Variants in SGK1 observed in about 807,000 individuals in gnomAD.
The protein encoded by SGK1 is serine/threonine-protein kinase Sgk1.
Under a neutral mutation model 64.2 loss-of-function variants are expected in SGK1, and 26 were observed. The observed-to-expected ratio is 0.40, with a 90% confidence interval of 0.30 to 0.56. The LOEUF (loss-of-function observed/expected upper bound fraction) is 0.56. Among genes scored for constraint, SGK1 ranks in the 20% least tolerant of loss-of-function variants. SGK1 has a pLI of 0.38. For synonymous variants in SGK1, 265 were observed against 239.7 expected, an observed-to-expected ratio of 1.11 and a Z score of -0.98; for missense variants, 519 against 645.6, an observed-to-expected ratio of 0.80 and a Z score of 2.12.
chr6:134,255,597 T>TC (rs1466116513), intron 2 of SGK1, among the ~76,000 whole-genome samples: 15 of 147,552 alleles, frequency 1.0e-4, no homozygotes, highest in Admixed American at 1.0e-3. Flanking sequence ...TTTTTTTTTT[T>TC]TGAGATGGAG....
rs1777565974 is a variant in SGK1 at position 134,308,411 on chromosome 6, A to C, written c.69+8981T>G. On this transcript the variant is annotated intron_variant, in intron 1 of 13. Transcript: ENST00000367858. ...GGGACTTTTCTTTTTTCACCTTGCT[A>C]TTTCTAGAGACTAAAATCTTTGAGC... Among the ~76,000 whole-genome samples, 3 of 152,166 alleles carry C rather than the reference A, an allele frequency of 2.0e-5. No individual in the cohort carries two copies. The South Asian group carries it at 6.2e-4, about 32-fold the overall frequency.
At chr6:134,171,611 TC>T in intron 11 of SGK1, 25 bp downstream of exon 11, 1 of 1,520,580 alleles carries the variant, frequency 6.6e-7, no homozygotes, top group Non-Finnish European at 9.1e-7. Context: ...CAGGCAGTGT[TC>T]CATGGTTCCC....
intron 2 of SGK1, among the ~76,000 whole-genome samples, chr6:134,219,194 T>C (rs990582241): frequency 6.6e-6 from 1 of 151,878 alleles, no homozygotes; most frequent in African/African-American, 2.4e-5. Context: ...GCATTTTTAG[T>C]AGAGATGGGG....
Position 134,175,630 on chromosome 6 carries a change from G to A in SGK1, c.362-1044C>T, listed in dbSNP as rs1775209535. ...GGGCCGCAGCAGGGACTCGAGCCGG[G>A]CTCTGGCCAGCGCGCCCTGCATCTC... On this transcript the variant is annotated intron_variant, in intron 3 of 13. Transcript: ENST00000367858. 5 of 1,538,024 alleles carry A rather than the reference G, an allele frequency of 3.3e-6. No individual in the cohort carries two copies. The East Asian group carries it at 1.3e-4, about 39-fold the overall frequency.
intron 3 of SGK1, among the ~76,000 whole-genome samples, chr6:134,175,085 C>T (rs1010479471): frequency 2.0e-5 from 3 of 152,064 alleles, no homozygotes; most frequent in African/African-American, 7.2e-5. Flanking sequence ...CGGCCTGGCG[C>T]AGGGCCGTTA....
At chr6:134,232,444 A>AG (rs1776299835) in intron 2 of SGK1, among the ~76,000 whole-genome samples, 1 of 59,268 alleles carries the variant, frequency 1.7e-5, no homozygotes, top group Non-Finnish European at 4.2e-5. Flanking sequence ...AGAAAGAAAG[A>AG]AAGAAAGAAA....
chr6:134,190,302 T>C (rs1775489835), intron 3 of SGK1, among the ~76,000 whole-genome samples: 1 of 151,416 alleles, frequency 6.6e-6, no homozygotes. Context: ...TTTTTTTTTT[T>C]TGAGATAGAG....
chr6:134,232,257 T>C (rs939136504), intron 2 of SGK1, among the ~76,000 whole-genome samples: 6 of 148,204 alleles, frequency 4.0e-5, no homozygotes, highest in Non-Finnish European at 8.9e-5. Context: ...TGGTGGCAAG[T>C]GCCTGTAATC....
chr6:134,226,078 C>T (rs1454034660), intron 2 of SGK1, among the ~76,000 whole-genome samples: 1 of 151,748 alleles, frequency 6.6e-6, no homozygotes, highest in Non-Finnish European at 1.5e-5. Flanking sequence ...CTGCCACTTG[C>T]CACTGCACTC....
At chr6:134,294,766 G>A (rs1305059164) in intron 1 of SGK1, among the ~76,000 whole-genome samples, 1 of 152,144 alleles carries the variant, frequency 6.6e-6, no homozygotes, top group African/African-American at 2.4e-5. Flanking sequence ...TCGAACTCCT[G>A]ATCCTCCCCC....
chr6:134,200,359 A>C (rs1289143221), intron 3 of SGK1, among the ~76,000 whole-genome samples: 1 of 152,208 alleles, frequency 6.6e-6, no homozygotes, highest in Admixed American at 6.5e-5. Flanking sequence ...AAAAAGAAAG[A>C]CTTAAAAAAT....
chr6:134,272,852 T>C (rs4896037), intron 1 of SGK1, among the ~76,000 whole-genome samples: 31,712 of 147,944 alleles, frequency 0.21, 6,111 homozygotes, highest in East Asian at 0.39. Flanking sequence ...AACCTCATTG[T>C]CAAATCCAAT....
chr6:134,235,690 G>A (rs529606717), intron 2 of SGK1, among the ~76,000 whole-genome samples: 2 of 151,922 alleles, frequency 1.3e-5, no homozygotes, highest in South Asian at 4.2e-4. Context: ...TCCTGCCTCA[G>A]CCTCTCGAGT....
At chr6:134,206,548 C>T (rs9493856) in intron 3 of SGK1, among the ~76,000 whole-genome samples, 10,317 of 150,760 alleles carry the variant, frequency 0.068, 1,244 homozygotes, top group African/African-American at 0.24. Context: ...GAAAAGAAGA[C>T]ATAACAAAAG....
At chr6:134,276,310 G>A (rs1777016064) in intron 1 of SGK1, among the ~76,000 whole-genome samples, 1 of 152,194 alleles carries the variant, frequency 6.6e-6, no homozygotes, top group Non-Finnish European at 1.5e-5. Context: ...ATCAACAATT[G>A]GAAGACAGTG....
At chr6:134,270,551 C>A (rs1398177855) in intron 1 of SGK1, among the ~76,000 whole-genome samples, 1 of 148,302 alleles carries the variant, frequency 6.7e-6, no homozygotes, top group Non-Finnish European at 1.5e-5. Context: ...AAGACCTATC[C>A]TGGAGCAGGC....
Position 134,173,035 on chromosome 6 carries a change from A to C in SGK1, c.822T>G (p.Ile274Met). Residue 274 changes from isoleucine (I) to methionine (M), a missense_variant, in exon 8 of 14, where the codon ATT becomes ATG. This residue lies in a region of SGK1 where 278 missense variants were observed against 408.7 expected (regional missense o/e 0.68). Transcript: ENST00000367858. ...ADKLYFVLDY[I>M]NGGELFYHLQ... ...CCCCCCTGCTCACCTCTCCACCATT[A>C]ATGTAGTCTAGGACAAAGTACAATT... 6.2e-7 allele frequency: 1 copy of C among 1,613,584 alleles called. No homozygotes were observed. Among genetic ancestry groups the C allele is most frequent in the Non-Finnish European group, 8.5e-7 (1 of 1,179,602 alleles).
intron 2 of SGK1, among the ~76,000 whole-genome samples, chr6:134,254,512 G>A (rs1348903688): frequency 6.6e-6 from 1 of 152,188 alleles, no homozygotes; most frequent in Non-Finnish European, 1.5e-5. Flanking sequence ...GGCTCCTGGT[G>A]AGTATGGTGT....
chr6:134,173,582 A>G lies in SGK1; in HGVS notation c.514-16T>C. 2 of 1,541,730 alleles carry G rather than the reference A, an allele frequency of 1.3e-6. No individual in the cohort carries two copies. The highest frequency in any genetic ancestry group is 1.8e-6 in the Non-Finnish European group (2 of 1,133,776). ...AAGGACTTGGCTAGAAAAAAAAAAA[A>G]AGAATTTCTTTTAATACCATTGCTT... is the stretch of plus-strand genomic sequence containing the variant. On this transcript the variant is annotated splice_polypyrimidine_tract_variant and intron_variant, in intron 5 of 13. Coordinates refer to ENST00000367858, the MANE Select transcript of SGK1 (RefSeq NM_001143676.3).
Sources: allele counts gnomAD v4.1 joint callset (sites outside exome capture counted in the v4.1 genomes callset), GRCh38; gene constraint gnomAD v4.1.1; regional missense constraint gnomAD v4.1.1; transcripts MANE v1.5; gene names NCBI Gene and HGNC (gene_info 2026-07-23, HGNC 2026-07-21).